The following GRM4 variants were observed in gnomAD, a reference collection of about 807,000 sequenced individuals.
GRM4 encodes the protein glutamate metabotropic receptor 4.
Under a neutral mutation model 81.7 loss-of-function variants are expected in GRM4, and 28 were observed. The ratio of observed to expected loss-of-function variants is 0.34; its 90% confidence interval spans 0.25 to 0.47. The LOEUF is 0.47. Among genes scored for constraint, GRM4 ranks in the 20% least tolerant of loss-of-function variants. The pLI is 1.00. For synonymous variants in GRM4, 488 were observed against 528.8 expected, an observed-to-expected ratio of 0.92 and a Z score of 1.06; for missense variants, 948 against 1,290.0, an observed-to-expected ratio of 0.73 and a Z score of 4.06.
chr6:34,080,980 T>C lies in GRM4; in HGVS notation c.736+10903A>G, dbSNP rs747664613. Among the ~76,000 whole-genome samples the C allele has an allele frequency of 1.3e-5, 2 of 152,102 alleles. No homozygotes were observed. Among genetic ancestry groups the C allele is most frequent in the Non-Finnish European group, 2.9e-5 (2 of 67,998 alleles). On this transcript the variant is annotated intron_variant, in intron 3 of 10. Transcript: ENST00000538487. The surrounding 1 kb of genome is among the most constrained non-coding windows in gnomAD (Gnocchi z 5.4). ...TTACCCTGCCCCCATCCCTACCTCT[T>C]TCCTCCCTAGCCCTAGAACTGCTGG...
At chr6:34,056,925 A>G (rs904508713) in intron 5 of GRM4, among the ~76,000 whole-genome samples, 2 of 152,236 alleles carry the variant, frequency 1.3e-5, no homozygotes, top group Admixed American at 1.3e-4. Flanking sequence ...ATGGAAGAGA[A>G]GCACACCGAT....
At chr6:34,071,331 TCACACAGATAAACACCG>T (rs1353151321) in intron 3 of GRM4, among the ~76,000 whole-genome samples, 2 of 39,844 alleles carry the variant, frequency 5.0e-5, no homozygotes, top group African/African-American at 2.2e-4. Flanking sequence ...CACACACACA[TCACACAGATAAACACCG>T]CACCACACAC....
chr6:34,058,720 C>CA (rs1216777027), intron 5 of GRM4, among the ~76,000 whole-genome samples: 2 of 152,212 alleles, frequency 1.3e-5, no homozygotes, highest in African/African-American at 4.8e-5. Context: ...GCGGACTCTC[C>CA]ACACACCTTC....
rs781342171 is a variant in GRM4 at position 34,028,203 on chromosome 6, A to T, written c.2606T>A (p.Met869Lys). 5 of 1,613,958 alleles carry T rather than the reference A, an allele frequency of 3.1e-6. No homozygotes were observed. In the South Asian group the frequency reaches 5.5e-5, roughly 18 times the overall value. ...GCCCTTCTGCGTGAACTTGTTGGAC[A>T]TGGTGGCCGCCGTAACGACGGCTTT... ...SLKAVVTAAT[M>K]SNKFTQKGNF... The change falls in exon 10 of 11, where the codon ATG becomes AAG. Residue 869 changes from methionine to lysine, a missense_variant. Coordinates refer to ENST00000538487, the MANE Select transcript of GRM4 (RefSeq NM_000841.4).
rs1270283162 is a variant in GRM4 at position 34,115,933 on chromosome 6, G to A, written c.519+17045C>T. Among the ~76,000 whole-genome samples, 2 of 152,208 alleles carry A rather than the reference G, an allele frequency of 1.3e-5. No individual in the cohort carries two copies. The highest frequency in any genetic ancestry group is 2.4e-5 in the African/African-American group (1 of 41,452). ...TAAAAATGAGGTACCGATGTTGGCCGCACCAGAAGAGGGCTTTAATTACAT... is the reference window on the plus strand; with the variant it reads ...TAAAAATGAGGTACCGATGTTGGCCACACCAGAAGAGGGCTTTAATTACAT... On this transcript the variant is annotated intron_variant, in intron 2 of 10. Coordinates refer to ENST00000538487, the MANE Select transcript of GRM4 (RefSeq NM_000841.4). This position sits in a 1 kb window ranked among gnomAD's most constrained non-coding sequence, Gnocchi z 4.1.
At chr6:34,137,069 C>T (rs1770489584) in intron 1 of GRM4, among the ~76,000 whole-genome samples, 1 of 152,166 alleles carries the variant, frequency 6.6e-6, no homozygotes, top group African/African-American at 2.4e-5. Flanking sequence ...CAGACACTCC[C>T]CCGCCAATTC....
upstream of GRM4, among the ~76,000 whole-genome samples, chr6:34,148,923 T>G (rs182291280): frequency 2.3e-4 from 35 of 152,110 alleles, no homozygotes; most frequent in East Asian, 6.8e-3. Context: ...TCCAGGGAAA[T>G]GGCAACACCA....
rs1768089418 is a variant in GRM4, at chr6:34,089,533, G to A, written c.736+2350C>T. Among the ~76,000 whole-genome samples the A allele has an allele frequency of 6.6e-6, 1 of 152,046 alleles. No individual in the cohort carries two copies. Among genetic ancestry groups the A allele is most frequent in the African/African-American group, 2.4e-5 (1 of 41,412 alleles). ...GCATGGGGTGGCCTTGGAAGTTTGG[G>A]GACGTGGGAGGCCCAGCCAAGCAGG... On this transcript the variant is annotated intron_variant, in intron 3 of 10. Transcript: ENST00000538487. This position sits in a 1 kb window ranked among gnomAD's most constrained non-coding sequence, Gnocchi z 4.3.
chr6:34,115,793 C>A lies in GRM4; in HGVS notation c.519+17185G>T, dbSNP rs191413411. ...GCTCTTCAGGCTCCAGGAGAAACTG[C>A]GGACACATCACACCTCCCTGGGCTC... is the stretch of plus-strand genomic sequence containing the variant. On this transcript the variant is annotated intron_variant, in intron 2 of 10. Coordinates refer to ENST00000538487, the MANE Select transcript of GRM4 (RefSeq NM_000841.4). This position sits in a 1 kb window ranked among gnomAD's most constrained non-coding sequence, Gnocchi z 4.1. Among the ~76,000 whole-genome samples the A allele has an allele frequency of 6.6e-6, 1 of 152,158 alleles. No homozygotes were observed. Among genetic ancestry groups the A allele is most frequent in the Non-Finnish European group, 1.5e-5 (1 of 68,020 alleles).
At chr6:34,104,512 C>A (rs1318933128) in intron 2 of GRM4, among the ~76,000 whole-genome samples, 1 of 152,202 alleles carries the variant, frequency 6.6e-6, no homozygotes, top group African/African-American at 2.4e-5. Context: ...GAAATGGAGG[C>A]CCAAGAATAC....
chr6:34,050,869 G>A (rs554675470), intron 6 of GRM4, among the ~76,000 whole-genome samples: 41 of 152,308 alleles, frequency 2.7e-4, no homozygotes, highest in Non-Finnish European at 7.3e-5. Flanking sequence ...GGGCAGGTCT[G>A]TCCCCCTCAC....
rs1581593051 is a variant in GRM4, at chr6:34,035,272, T to G, written c.2442+396A>C. Among the ~76,000 whole-genome samples the G allele has an allele frequency of 4.6e-5, 5 of 108,662 alleles. No individual in the cohort carries two copies. Among genetic ancestry groups the G allele is most frequent in the East Asian group, 2.8e-4 (1 of 3,584 alleles). 71.3% of individuals were successfully genotyped at this position (108,662 alleles called of 152,430 possible). A position where few individuals can be genotyped will look rare whatever the true frequency, so the allele number is the denominator to read the frequency against. ...GAGGAAAGAATGAAAGGAGATGGGGTAAGGGCAGCAGGGATGGAGAGACAG... is the reference window on the plus strand; with the variant it reads ...GAGGAAAGAATGAAAGGAGATGGGGGAAGGGCAGCAGGGATGGAGAGACAG... On this transcript the variant is annotated intron_variant, in intron 9 of 10. Transcript: ENST00000538487. This position sits in a 1 kb window ranked among gnomAD's most constrained non-coding sequence, Gnocchi z 6.6.
rs1769375277 is a variant in GRM4 at position 34,111,370 on chromosome 6, G to GT, written c.520-19272dup. On this transcript the variant is annotated intron_variant, in intron 2 of 10. Coordinates refer to ENST00000538487, the MANE Select transcript of GRM4 (RefSeq NM_000841.4). The surrounding 1 kb of genome is among the most constrained non-coding windows in gnomAD (Gnocchi z 5.1). ...ACTCACACTCACAGGCCTCTTGGTGGTAAGTACAACCAACCGTGCACACAC... is the reference window on the plus strand; with the variant it reads ...ACTCACACTCACAGGCCTCTTGGTGGTTAAGTACAACCAACCGTGCACACAC... Among the ~76,000 whole-genome samples, 1 of 148,708 alleles carries GT rather than the reference G, an allele frequency of 6.7e-6. No individual in the cohort carries two copies. The highest frequency in any genetic ancestry group is 2.5e-5 in the African/African-American group (1 of 39,822).
At position 34,064,770 on chromosome 6, in the gene GRM4, C is replaced by G. The variant is rs914331912; in HGVS notation, c.737-2742G>C. 3.9e-5 allele frequency among the ~76,000 whole-genome samples: 6 copies of G among 152,146 alleles called. No homozygotes were observed. The highest frequency in any genetic ancestry group is 5.9e-5 in the Non-Finnish European group (4 of 68,010). On this transcript the variant is annotated intron_variant, in intron 3 of 10. Coordinates refer to ENST00000538487, the MANE Select transcript of GRM4 (RefSeq NM_000841.4). The surrounding 1 kb of genome is among the most constrained non-coding windows in gnomAD (Gnocchi z 4.4). ...GCAGCCAGAGAAGACCAGAGCGGCC[C>G]GAGAGGCCACTGAGCACCCCCTGCA...
In GRM4 at chr6:34,133,538, T is replaced by C. The variant is rs1027229549; in HGVS notation, c.-42A>G. On this transcript the variant is annotated 5_prime_UTR_variant, in exon 2 of 11. The change abolishes the stop of an existing upstream ORF in the 5' untranslated region. Coordinates refer to ENST00000538487, the MANE Select transcript of GRM4 (RefSeq NM_000841.4). This position sits in a 1 kb window ranked among gnomAD's most constrained non-coding sequence, Gnocchi z 6.5. ...GACCCATGAACGGCAGGCCCACTCC[T>C]AGCCCTGGCAGGCCCCTGGCCCCAC... 6.6e-7 allele frequency: 1 copy of C among 1,509,872 alleles called. No homozygotes were observed. The highest frequency in any genetic ancestry group is 8.8e-7 in the Non-Finnish European group (1 of 1,134,554). The allele number at this position is 1,509,872 out of a possible 1,614,324, so 93.5% of individuals were successfully genotyped here.
chr6:34,085,983 G>A (rs1259350592), intron 3 of GRM4, among the ~76,000 whole-genome samples: 3 of 152,204 alleles, frequency 2.0e-5, no homozygotes, highest in African/African-American at 7.2e-5. Flanking sequence ...AGGCGAGCTG[G>A]TGCCTGGAAC....
At chr6:34,032,328 C>G (rs1157894273) in intron 9 of GRM4, among the ~76,000 whole-genome samples, 1 of 152,164 alleles carries the variant, frequency 6.6e-6, no homozygotes, top group Non-Finnish European at 1.5e-5. Flanking sequence ...GTAGGCACAC[C>G]ACAACTCCTG....
chr6:34,023,166 A>T (rs1412249455), intron 10 of GRM4, among the ~76,000 whole-genome samples: 1 of 151,448 alleles, frequency 6.6e-6, no homozygotes, highest in Non-Finnish European at 1.5e-5. Flanking sequence ...TTCCCTTTGT[A>T]CTCTAGAGAT....
intron 6 of GRM4, among the ~76,000 whole-genome samples, chr6:34,045,423 C>T (rs969006362): frequency 2.0e-5 from 3 of 152,212 alleles, no homozygotes; most frequent in African/African-American, 2.4e-5. Flanking sequence ...GGGTGGGTGG[C>T]GTCCCAGAGC....
Sources: allele counts gnomAD v4.1 joint callset (sites outside exome capture counted in the v4.1 genomes callset), GRCh38; gene constraint gnomAD v4.1.1; non-coding constraint Gnocchi (gnomAD v3.1); transcripts MANE v1.5; gene names NCBI Gene and HGNC (gene_info 2026-07-23, HGNC 2026-07-21).